PNPT1: variants seen among roughly 807,000 people sequenced by gnomAD.
PNPT1 encodes the protein polyribonucleotide nucleotidyltransferase 1, also known as polyribonucleotide nucleotidyltransferase 1, mitochondrial.
A neutral mutation model predicts 119.5 loss-of-function variants in PNPT1; 53 were observed. That is an observed-to-expected ratio of 0.44 (90% CI 0.36 to 0.56). The LOEUF (loss-of-function observed/expected upper bound fraction) is 0.56, where lower values mean the gene tolerates loss of function less well. Ranked by LOEUF, PNPT1 falls within the 20% of genes least tolerant of loss-of-function variation. The pLI, the probability that PNPT1 is intolerant of heterozygous loss-of-function variation, is 0.00. For missense variants in PNPT1, 948 were observed against 938.5 expected, an observed-to-expected ratio of 1.01 and a Z score of -0.13; for synonymous variants, 357 against 322.1, an observed-to-expected ratio of 1.11 and a Z score of -1.16.
In PNPT1 at chr2:55,656,297, G is replaced by C. The variant is rs1185787418; in HGVS notation, c.1351+8C>G. 4 of 1,611,076 alleles carry C rather than the reference G, an allele frequency of 2.5e-6. No homozygotes were observed. The highest frequency in any genetic ancestry group is 3.4e-6 in the Non-Finnish European group (4 of 1,178,912). On this transcript the variant is annotated splice_region_variant and intron_variant, in intron 16 of 27. Coordinates refer to ENST00000447944, the MANE Select transcript of PNPT1 (RefSeq NM_033109.5). Reference sequence around the variant, plus strand: ...AATACCGTATTAAGTTTACAGACCTGTACTTACCATGCCCAAGTTCTCTTC... The same window carrying C: ...AATACCGTATTAAGTTTACAGACCTCTACTTACCATGCCCAAGTTCTCTTC...
chr2:55,677,525 C>T (rs932957759), intron 8 of PNPT1, among the ~76,000 whole-genome samples: 1 of 124,508 alleles, frequency 8.0e-6, no homozygotes, highest in Middle Eastern at 6.4e-3. Flanking sequence ...ACCTGGGAGG[C>T]GGAGGTTGCA....
At chr2:55,671,087 TGGA>T (rs1312930685) in intron 11 of PNPT1, among the ~76,000 whole-genome samples, 1 of 152,140 alleles carries the variant, frequency 6.6e-6, no homozygotes, top group Middle Eastern at 3.2e-3. Flanking sequence ...GGGGAAGCTT[TGGA>T]GAAGAGGTGG....
intron 7 of PNPT1, 44 bp downstream of exon 7, chr2:55,680,668 A>T: frequency 6.4e-7 from 1 of 1,568,436 alleles, no homozygotes. Context: ...CTTACTGAAA[A>T]AAAAAATACA....
At chr2:55,651,284 CTCATTGAGAA>C (rs1207425376) in intron 18 of PNPT1, among the ~76,000 whole-genome samples, 5 of 152,060 alleles carry the variant, frequency 3.3e-5, no homozygotes, top group African/African-American at 1.2e-4. Context: ...TGCCCAACAG[CTCATTGAGAA>C]CGGGCCATGA....
chr2:55,653,302 C>T (rs1309935855), intron 18 of PNPT1, among the ~76,000 whole-genome samples: 1 of 152,190 alleles, frequency 6.6e-6, no homozygotes, highest in Non-Finnish European at 1.5e-5. Flanking sequence ...GGATACTAGT[C>T]TCCACGATTT....
intron 14 of PNPT1, among the ~76,000 whole-genome samples, chr2:55,660,566 A>T (rs1696532290): frequency 1.3e-5 from 2 of 152,214 alleles, no homozygotes; most frequent in Admixed American, 1.3e-4. Flanking sequence ...CAATATGTGA[A>T]ACGAAGAAAA....
Position 55,654,893 on chromosome 2 carries a change from CT to C in PNPT1, c.1495+6del. ...ATATCAGCAGTTTTGAGACATAATT[CT>C]TTTACCTGAATCCATTAATGCTAAA... On this transcript the variant is annotated splice_donor_region_variant and intron_variant, in intron 18 of 27. Coordinates refer to ENST00000447944, the MANE Select transcript of PNPT1 (RefSeq NM_033109.5). 6.2e-7 allele frequency: 1 copy of C among 1,612,254 alleles called. No homozygotes were observed. Among genetic ancestry groups the C allele is most frequent in the Admixed American group, 1.7e-5 (1 of 59,926 alleles).
intron 25 of PNPT1, 51 bp downstream of exon 25, chr2:55,643,107 C>A: frequency 3.8e-6 from 6 of 1,594,362 alleles, no homozygotes; most frequent in Non-Finnish European, 5.2e-6. Flanking sequence ...GGGTGAGACC[C>A]TGTCTCTAAA....
chr2:55,639,859 C>A (rs563929453), intron 26 of PNPT1, among the ~76,000 whole-genome samples: 14 of 152,138 alleles, frequency 9.2e-5, no homozygotes, highest in Non-Finnish European at 1.8e-4. Context: ...CCTGCCCCAA[C>A]AAGATTATCT....
intron 1 of PNPT1, among the ~76,000 whole-genome samples, chr2:55,690,070 C>T (rs1032949716): frequency 6.6e-5 from 10 of 152,150 alleles, no homozygotes; most frequent in Non-Finnish European, 1.3e-4. Context: ...AATCCTCCTG[C>T]CTTGGCCTCT....
chr2:55,642,987 G>A (rs1349367646), intron 25 of PNPT1, among the ~76,000 whole-genome samples, 171 bp downstream of exon 25: 3 of 152,134 alleles, frequency 2.0e-5, no homozygotes, highest in Admixed American at 2.0e-4. Context: ...GTGTGGTGGT[G>A]TGTGCTTGTA....
chr2:55,662,880 A>ATT (rs35015796), intron 13 of PNPT1, among the ~76,000 whole-genome samples: 11 of 140,556 alleles, frequency 7.8e-5, no homozygotes, highest in African/African-American at 1.3e-4. Flanking sequence ...CAGACAAAAG[A>ATT]TTTTTTTTTT....
At chr2:55,660,676 T>C (rs1275921325) in intron 14 of PNPT1, among the ~76,000 whole-genome samples, 1 of 152,164 alleles carries the variant, frequency 6.6e-6, no homozygotes, top group Non-Finnish European at 1.5e-5. Context: ...GAATCACAGA[T>C]TTGGTGAGCC....
intron 15 of PNPT1, 42 bp downstream of exon 15, chr2:55,660,115 T>G: frequency 6.6e-7 from 1 of 1,522,046 alleles, no homozygotes; most frequent in Non-Finnish European, 8.8e-7. Flanking sequence ...CAAAAATTTA[T>G]TAATTTATTA....
Position 55,672,899 on chromosome 2 carries a change from G to A in PNPT1, c.860C>T (p.Thr287Ile), listed in dbSNP as rs759169641. 11 of 1,596,766 alleles carry A rather than the reference G, an allele frequency of 6.9e-6. No individual in the cohort carries two copies. Among genetic ancestry groups the A allele is most frequent in the African/African-American group, 2.7e-5 (2 of 73,744 alleles). ...TTTGCACAGATGTTCTTACTTATGAGTATATTTCACAATCTCTGGCGAAGG... is the reference window on the plus strand; with the variant it reads ...TTTGCACAGATGTTCTTACTTATGAATATATTTCACAATCTCTGGCGAAGG... Reference protein sequence around the residue: ...FTPSPEIVKYTHKLAMERLYA... With the variant: ...FTPSPEIVKYIHKLAMERLYA... Residue 287 changes from threonine (T) to isoleucine (I), a missense_variant, in exon 9 of 28, where the codon ACT becomes ATT. Transcript: ENST00000447944.
intron 8 of PNPT1, among the ~76,000 whole-genome samples, chr2:55,676,215 C>A (rs1005350745): frequency 1.4e-5 from 2 of 144,790 alleles, no homozygotes; most frequent in African/African-American, 5.1e-5. Context: ...GCCGAGATTG[C>A]GCCACTGCAC....
chr2:55,636,415 C>T (rs776917294), intron 27 of PNPT1, 23 bp from the exon 28 acceptor site: 58 of 1,610,632 alleles, frequency 3.6e-5, no homozygotes, highest in Non-Finnish European at 4.7e-5. Context: ...AACAGATCTT[C>T]CTTTAAAGTT....
At position 55,666,950 on chromosome 2, in the gene PNPT1, T is replaced by A. The variant is rs375449448; in HGVS notation, c.1176+41A>T. 598 of 1,338,682 alleles carry A rather than the reference T, an allele frequency of 4.5e-4. 7 individuals carry two copies. The South Asian group carries it at 8.0e-3, about 18-fold the overall frequency. 82.9% of individuals were successfully genotyped at this position (1,338,682 alleles called of 1,614,324 possible). Reference sequence around the variant, plus strand: ...ACTTCTATTAGATCTAATTAAACAATCTTAATTTAGCAAATAATTAGAGCT... The same window carrying A: ...ACTTCTATTAGATCTAATTAAACAAACTTAATTTAGCAAATAATTAGAGCT... On this transcript the variant is annotated intron_variant, in intron 13 of 27. Transcript: ENST00000447944.
intron 2 of PNPT1, among the ~76,000 whole-genome samples, 197 bp from the exon 3 acceptor site, chr2:55,686,641 AG>A (rs1697413754): frequency 6.6e-6 from 1 of 152,260 alleles, no homozygotes; most frequent in Non-Finnish European, 1.5e-5. Context: ...AATCAAAATA[AG>A]GAAAGATTAA....
Sources: allele counts gnomAD v4.1 joint callset (sites outside exome capture counted in the v4.1 genomes callset), GRCh38; gene constraint gnomAD v4.1.1; transcripts MANE v1.5; gene names NCBI Gene and HGNC (gene_info 2026-07-23, HGNC 2026-07-21).